Variants in EEIG2 observed in about 807,000 individuals in gnomAD.
The protein encoded by EEIG2 is EEIG family member 2.
chr1:108,565,898 G>A, the EEIG2 span, among the ~76,000 whole-genome samples: 3 of 152,032 alleles, frequency 2.0e-5, no homozygotes, highest in Admixed American at 1.3e-4. Flanking sequence ...AAATAGAAAG[G>A]CAGAAAGAAA....
the EEIG2 span, among the ~76,000 whole-genome samples, chr1:108,579,544 C>T: frequency 1.4e-5 from 2 of 147,972 alleles, no homozygotes; most frequent in Admixed American, 6.8e-5. Flanking sequence ...GACAGAAAGT[C>T]AACAAGGATA....
chr1:108,628,887 A>G, the EEIG2 span: 1 of 1,196,074 alleles, frequency 8.4e-7, no homozygotes, highest in East Asian at 2.4e-5. Flanking sequence ...GGCTCAGAAC[A>G]TCATAATACT....
chr1:108,606,351 C>A, the EEIG2 span: 3 of 739,114 alleles, frequency 4.1e-6, no homozygotes, highest in South Asian at 6.6e-5. Flanking sequence ...AATATCTGTT[C>A]AAGCTTGGCT....
chr1:108,568,832 G>A, the EEIG2 span, among the ~76,000 whole-genome samples: 9 of 152,240 alleles, frequency 5.9e-5, no homozygotes, highest in East Asian at 1.4e-3. Context: ...GGGAAGGGAA[G>A]GTCCCTTGTG....
the EEIG2 span, among the ~76,000 whole-genome samples, chr1:108,574,388 A>G: frequency 6.6e-5 from 10 of 152,304 alleles, no homozygotes; most frequent in Non-Finnish European, 1.2e-4. Context: ...TTTAATGGAT[A>G]TAGAGTTTTG....
the EEIG2 span, among the ~76,000 whole-genome samples, chr1:108,629,024 A>G: frequency 1.3e-5 from 2 of 152,224 alleles, no homozygotes; most frequent in Non-Finnish European, 2.9e-5. Context: ...AAAGTGATCA[A>G]TTTTAAATAA....
chr1:108,623,739 T>A, the EEIG2 span, among the ~76,000 whole-genome samples: 1 of 152,092 alleles, frequency 6.6e-6, no homozygotes, highest in East Asian at 1.9e-4. Context: ...TGGTGCAATC[T>A]CGGCTCACTG....
chr1:108,608,545 A>G, the EEIG2 span, among the ~76,000 whole-genome samples: 1 of 152,240 alleles, frequency 6.6e-6, no homozygotes, highest in Non-Finnish European at 1.5e-5. Context: ...AAGGAAACAT[A>G]GACTTTCTGG....
chr1:108,619,769 C>T, the EEIG2 span, among the ~76,000 whole-genome samples: 16 of 152,206 alleles, frequency 1.1e-4, no homozygotes, highest in African/African-American at 2.4e-4. Context: ...GTGCGCCTGT[C>T]GTCCCAGCTA....
At chr1:108,632,912 A>G in the EEIG2 span, among the ~76,000 whole-genome samples, 6 of 150,614 alleles carry the variant, frequency 4.0e-5, no homozygotes, top group Non-Finnish European at 1.5e-5. Context: ...CTGCTGAGTA[A>G]CTAGGACTAC....
chr1:108,634,716 G>C, the EEIG2 span, among the ~76,000 whole-genome samples: 1 of 152,164 alleles, frequency 6.6e-6, no homozygotes, highest in East Asian at 1.9e-4. Flanking sequence ...TATTATGACA[G>C]CTGAAGACCA....
the EEIG2 span, among the ~76,000 whole-genome samples, chr1:108,576,385 C>T: frequency 5.4e-5 from 8 of 148,226 alleles, no homozygotes; most frequent in South Asian, 2.2e-4. Flanking sequence ...CATGCTGGTG[C>T]GCTGCACCCA....
At chr1:108,608,502 A>G in the EEIG2 span, among the ~76,000 whole-genome samples, 14 of 152,338 alleles carry the variant, frequency 9.2e-5, no homozygotes, top group South Asian at 2.9e-3. Context: ...ATTTCATGAG[A>G]CAGTTACTCA....
chr1:108,602,045 T>A, the EEIG2 span, among the ~76,000 whole-genome samples: 4 of 152,320 alleles, frequency 2.6e-5, no homozygotes, highest in African/African-American at 9.6e-5. Context: ...ATGATAAGTT[T>A]TATGTGTAGG....
At chr1:108,634,971 G>C in the EEIG2 span, 1 of 718,750 alleles carries the variant, frequency 1.4e-6, no homozygotes, top group East Asian at 2.6e-5. Context: ...TTCTATCCGT[G>C]ATGCCTTTAA....
chr1:108,617,647 G>A, the EEIG2 span, among the ~76,000 whole-genome samples: 46 of 152,160 alleles, frequency 3.0e-4, no homozygotes, highest in Non-Finnish European at 1.0e-4. Flanking sequence ...TAACTAGAGG[G>A]AACGAGTAGA....
At chr1:108,570,876 A>G in the EEIG2 span, among the ~76,000 whole-genome samples, 1 of 152,164 alleles carries the variant, frequency 6.6e-6, no homozygotes, top group African/African-American at 2.4e-5. Flanking sequence ...TAGTGATGTT[A>G]AAGGAAGATA....
the EEIG2 span, among the ~76,000 whole-genome samples, chr1:108,609,149 G>A: frequency 6.6e-6 from 1 of 152,224 alleles, no homozygotes; most frequent in East Asian, 1.9e-4. Flanking sequence ...TATTGACATT[G>A]TAATATACCA....
At chr1:108,625,768 CTCTCTCTGTGTGTGTGTGTG>C in the EEIG2 span, 1 of 118,032 alleles carries the variant, frequency 8.5e-6, no homozygotes, top group African/African-American at 3.5e-5. Flanking sequence ...ATCTCTCTCT[CTCTCTCTGTGTGTGTGTGTG>C]TGTGTGTGTG....
Sources: gnomAD v4.1 joint callset for allele counts (sites outside exome capture counted in the v4.1 genomes callset) on GRCh38, gnomAD v4.1.1 for gene constraint, MANE v1.5 for transcripts, NCBI Gene and HGNC (gene_info 2026-07-23, HGNC 2026-07-21) for gene names.